CELF2: variants seen among roughly 807,000 people sequenced by gnomAD.
The protein encoded by CELF2 is CUGBP Elav-like family member 2.
Under a neutral mutation model 62.6 loss-of-function variants are expected in CELF2, and 8 were observed. The observed-to-expected ratio is 0.13, with a 90% CI of 0.07 to 0.23. The LOEUF (loss-of-function observed/expected upper bound fraction) is 0.23, where lower values mean the gene tolerates loss of function less well. Among genes scored for constraint, CELF2 ranks in the 10% least tolerant of loss-of-function variants. CELF2 has a pLI of 1.00. For missense variants in CELF2, 333 were observed against 671.0 expected (o/e 0.50, Z 5.56); for synonymous variants, 258 against 250.0 (o/e 1.03, Z -0.30).
rs1035417648 is a variant in CELF2 at position 10,840,678 on chromosome 10, T to A, written c.53+41861T>A. Among the ~76,000 whole-genome samples, 7 of 152,322 alleles carry A rather than the reference T, an allele frequency of 4.6e-5. No individual in the cohort carries two copies. In the South Asian group the frequency reaches 1.5e-3, roughly 32 times the overall value. ...TGTCTTTTTTGATTCTTTCTCTCTCTTTTTTAAAATTTTACTTTAAGTTCT... is the reference window on the plus strand; with the variant it reads ...TGTCTTTTTTGATTCTTTCTCTCTCATTTTTAAAATTTTACTTTAAGTTCT... On this transcript the variant is annotated intron_variant, in intron 1 of 13. Transcript: ENST00000636488.
chr10:10,631,821 G>A, the CELF2 span, among the ~76,000 whole-genome samples: 1 of 152,178 alleles, frequency 6.6e-6, no homozygotes, highest in Non-Finnish European at 1.5e-5. Context: ...GAAAAGTATT[G>A]AGCAGAGATA....
the CELF2 span, among the ~76,000 whole-genome samples, chr10:10,543,946 GA>G: frequency 9.2e-5 from 14 of 152,324 alleles, no homozygotes; most frequent in East Asian, 2.7e-3. Context: ...AGATATGGCT[GA>G]AGCTGTGATT....
chr10:10,629,291 G>A, the CELF2 span, among the ~76,000 whole-genome samples: 59 of 152,292 alleles, frequency 3.9e-4, 1 homozygote, highest in South Asian at 0.012. Flanking sequence ...TGCTGTACTT[G>A]TGTGTCCTCT....
At chr10:11,172,982 C>T (rs1340277196) in intron 2 of CELF2, among the ~76,000 whole-genome samples, 1 of 152,220 alleles carries the variant, frequency 6.6e-6, no homozygotes, top group Non-Finnish European at 1.5e-5. Context: ...TTCAATCCCT[C>T]CAGCACGTAT....
the CELF2 span, among the ~76,000 whole-genome samples, chr10:10,630,448 A>G: frequency 1.1e-4 from 16 of 152,178 alleles, no homozygotes; most frequent in African/African-American, 2.2e-4. Context: ...TGGGATCTCT[A>G]TCTAATCTCT....
chr10:10,662,392 G>C, the CELF2 span, among the ~76,000 whole-genome samples: 1 of 152,282 alleles, frequency 6.6e-6, no homozygotes, highest in South Asian at 2.1e-4. Context: ...TAAAAACTCA[G>C]CAGCAGCTGC....
intron 1 of CELF2, among the ~76,000 whole-genome samples, chr10:10,876,222 G>A (rs1018139994): frequency 6.6e-6 from 1 of 152,144 alleles, no homozygotes; most frequent in Admixed American, 6.5e-5. Context: ...AATACCAACT[G>A]GAGAAATACC....
rs1387007975 is a variant in CELF2, at chr10:11,178,651, G to A, written c.271+12969G>A. 6.6e-6 allele frequency among the ~76,000 whole-genome samples: 1 copy of A among 152,190 alleles called. No homozygotes were observed. The highest frequency in any genetic ancestry group is 2.4e-5 in the African/African-American group (1 of 41,440). Reference sequence around the variant, plus strand: ...ATAAATGTGTGACAGCTTAAGAGGCGAAAAGAAGAGTCTTCGTCAAATGGC... The same window carrying A: ...ATAAATGTGTGACAGCTTAAGAGGCAAAAAGAAGAGTCTTCGTCAAATGGC... On this transcript the variant is annotated intron_variant, in intron 2 of 12. Coordinates refer to ENST00000633077, the MANE Select transcript of CELF2 (RefSeq NM_001326342.2). The surrounding 1 kb of genome is among the most constrained non-coding windows in gnomAD (Gnocchi z 4.3).
chr10:10,955,297 C>T (rs974172242), intron 2 of CELF2, among the ~76,000 whole-genome samples: 1 of 152,246 alleles, frequency 6.6e-6, no homozygotes, highest in African/African-American at 2.4e-5. Context: ...CTCAACCACA[C>T]AGTGCGAGTA....
At chr10:10,691,555 A>G in the CELF2 span, among the ~76,000 whole-genome samples, 4 of 151,958 alleles carry the variant, frequency 2.6e-5, no homozygotes, top group African/African-American at 7.2e-5. Context: ...ATGGTATTTT[A>G]CTTCTAGATC....
chr10:10,865,088 AT>A (rs892891372), intron 1 of CELF2, among the ~76,000 whole-genome samples: 3 of 151,950 alleles, frequency 2.0e-5, no homozygotes, highest in East Asian at 1.9e-4. Context: ...AATGAGGAAA[AT>A]TTTTTTTCCT....
chr10:11,173,672 A>C (rs1344220386), intron 2 of CELF2, among the ~76,000 whole-genome samples: 3 of 152,108 alleles, frequency 2.0e-5, no homozygotes, highest in Admixed American at 2.0e-4. Flanking sequence ...CCTCATCATA[A>C]TTTCACTGAT....
chr10:11,112,380 G>A (rs2055410049), intron 1 of CELF2, among the ~76,000 whole-genome samples: 1 of 152,240 alleles, frequency 6.6e-6, no homozygotes, highest in Non-Finnish European at 1.5e-5. Flanking sequence ...AAGGGAGTCA[G>A]AAACTGCAGG....
At chr10:11,307,936 G>T (rs891417970) in intron 9 of CELF2, among the ~76,000 whole-genome samples, 12 of 152,178 alleles carry the variant, frequency 7.9e-5, no homozygotes, top group African/African-American at 2.7e-4. Flanking sequence ...CAAAAAGGTG[G>T]GGAGACTGGT....
the CELF2 span, among the ~76,000 whole-genome samples, chr10:10,615,192 G>A: frequency 6.6e-6 from 1 of 152,134 alleles, no homozygotes; most frequent in Admixed American, 6.5e-5. Context: ...TAGGGGGGAA[G>A]TAAGACATGT....
chr10:11,101,804 C>T (rs17446860), intron 1 of CELF2, among the ~76,000 whole-genome samples: 14,527 of 152,162 alleles, frequency 0.095, 738 homozygotes, highest in Non-Finnish European at 0.11. Flanking sequence ...GGAAATGTAT[C>T]TAGTTTACTG....
Position 10,958,793 on chromosome 10 carries a change from A to G in CELF2, c.89+38794A>G, listed in dbSNP as rs150580921. On this transcript the variant is annotated intron_variant, in intron 2 of 13. Coordinates refer to the CELF2 transcript ENST00000636488. The stretch of plus-strand genomic sequence containing the variant: ...CAGGAGTTTGAAGCTGCAGTGAGCT[A>G]TGATCACACCACTGCAATCCAGCCT... Among the ~76,000 whole-genome samples the G allele has an allele frequency of 1.3e-3, 204 of 152,204 alleles. 2 individuals carry two copies. The East Asian group carries it at 0.036, about 27-fold the overall frequency.
At chr10:10,603,832 A>T in the CELF2 span, among the ~76,000 whole-genome samples, 6 of 152,120 alleles carry the variant, frequency 3.9e-5, no homozygotes, top group East Asian at 1.2e-3. Flanking sequence ...AGTAAACTTT[A>T]ACTTATAAAA....
intron 2 of CELF2, among the ~76,000 whole-genome samples, chr10:11,168,058 C>T (rs1442241036): frequency 6.6e-6 from 1 of 152,106 alleles, no homozygotes; most frequent in Non-Finnish European, 1.5e-5. Flanking sequence ...GGGGCAGTCT[C>T]CTTTACTTAA....
Sources: gnomAD v4.1 joint callset for allele counts (sites outside exome capture counted in the v4.1 genomes callset) on GRCh38, gnomAD v4.1.1 for gene constraint, Gnocchi (gnomAD v3.1) non-coding constraint, MANE v1.5 for transcripts, NCBI Gene and HGNC (gene_info 2026-07-23, HGNC 2026-07-21) for gene names.